RNF216: variants seen among roughly 807,000 people sequenced by gnomAD.
RNF216 encodes the protein ring finger protein 216.
RNF216 carries 72 observed loss-of-function variants against 110.8 expected under a neutral mutation model. That is an observed-to-expected ratio of 0.65 (90% CI 0.54 to 0.79). The LOEUF is 0.79. Among genes scored for constraint, RNF216 ranks in the 30% least tolerant of loss-of-function variants. The pLI is 0.00. For synonymous variants in RNF216, 495 were observed against 407.5 expected (o/e 1.21, Z -2.59); for missense variants, 1,342 against 1,141.2 (o/e 1.18, Z -2.54).
intron 13 of RNF216, among the ~76,000 whole-genome samples, chr7:5,710,869 T>C (rs1284778629): frequency 6.6e-6 from 1 of 152,210 alleles, no homozygotes. Flanking sequence ...TCTGCTTTCT[T>C]AAGAGCTGCA....
intron 13 of RNF216, among the ~76,000 whole-genome samples, chr7:5,662,847 A>G (rs1416994995): frequency 2.6e-5 from 4 of 152,118 alleles, no homozygotes; most frequent in African/African-American, 9.7e-5. Flanking sequence ...AGGCTTGTGT[A>G]GAGCTGGCAC....
intron 13 of RNF216, among the ~76,000 whole-genome samples, chr7:5,703,543 C>A (rs1165781318): frequency 3.3e-5 from 5 of 152,140 alleles, no homozygotes; most frequent in African/African-American, 1.2e-4. Flanking sequence ...TTGTACTTCA[C>A]GGCTGTAAAG....
In RNF216 at chr7:5,652,467, C is replaced by G; in HGVS notation, c.2105G>C (p.Gly702Ala). Residue 702 changes from glycine (G) to alanine (A), a missense_variant, in exon 14 of 17, where the codon GGC (glycine) becomes GCC (alanine). Transcript: ENST00000389902. The stretch of plus-strand genomic sequence containing the variant: ...TTCAGCCAGCTCTTCACAGGTGAGG[C>G]CATTATGTTCTTTCCAGAGTCCCTG... ...KCQGLWKEHN[G>A]LTCEELAEKD... 1 of 1,613,922 alleles carries G rather than the reference C, an allele frequency of 6.2e-7. No homozygotes were observed.
intron 15 of RNF216, among the ~76,000 whole-genome samples, chr7:5,640,200 C>T (rs1787652311): frequency 6.6e-6 from 1 of 152,084 alleles, no homozygotes; most frequent in Admixed American, 6.6e-5. Flanking sequence ...GCCTGACCCT[C>T]TCCCCCAGTT....
chr7:5,655,763 T>C (rs992243956), intron 13 of RNF216, among the ~76,000 whole-genome samples: 2 of 147,368 alleles, frequency 1.4e-5, no homozygotes, highest in Admixed American at 6.6e-5. Flanking sequence ...CTAAACAGTG[T>C]AAATTTTACT....
chr7:5,779,115 A>C (rs552059688), intron 1 of RNF216, among the ~76,000 whole-genome samples: 1 of 152,376 alleles, frequency 6.6e-6, no homozygotes, highest in Non-Finnish European at 1.5e-5. Flanking sequence ...ATGTCTCTAA[A>C]GAGCTAGAAT....
intron 1 of RNF216, 83 bp from the exon 2 acceptor site, chr7:5,761,221 G>C (rs1350325508): frequency 2.0e-6 from 1 of 502,486 alleles, no homozygotes; most frequent in African/African-American, 2.0e-5. Context: ...AACATCTGAA[G>C]CTTATGCTGA....
intron 13 of RNF216, among the ~76,000 whole-genome samples, chr7:5,655,715 C>T (rs1303283582): frequency 1.3e-5 from 2 of 148,936 alleles, no homozygotes; most frequent in Non-Finnish European, 2.9e-5. Flanking sequence ...ACATTTGGAG[C>T]TCTCTCTGTG....
intron 3 of RNF216, among the ~76,000 whole-genome samples, chr7:5,751,225 A>G (rs1001888002): frequency 2.6e-5 from 4 of 152,210 alleles, no homozygotes; most frequent in African/African-American, 9.6e-5. Context: ...GGACACCAGA[A>G]CCTATAAAGT....
intron 8 of RNF216, among the ~76,000 whole-genome samples, chr7:5,723,533 G>C (rs754176482): frequency 2.0e-5 from 3 of 152,090 alleles, no homozygotes; most frequent in Non-Finnish European, 4.4e-5. Context: ...TGTAGTCCCA[G>C]CTACTCGGGA....
chr7:5,667,480 A>C (rs895333096), intron 13 of RNF216, among the ~76,000 whole-genome samples: 2 of 152,218 alleles, frequency 1.3e-5, no homozygotes, highest in Admixed American at 1.3e-4. Flanking sequence ...GACTCTGCTG[A>C]TAAGGAACAA....
chr7:5,687,160 T>G lies in RNF216; in HGVS notation c.2061+24601A>C, dbSNP rs150139065. The stretch of plus-strand genomic sequence containing the variant: ...CCTGTAATCCCAGCACTCTGGGAGG[T>G]TGAGGTGGGCAGATCACCTGAGGTC... On this transcript the variant is annotated intron_variant, in intron 13 of 16. Coordinates refer to ENST00000389902, the MANE Select transcript of RNF216 (RefSeq NM_207111.4). Among the ~76,000 whole-genome samples the G allele has an allele frequency of 9.2e-3, 1,387 of 151,204 alleles. 18 individuals carry two copies. Among genetic ancestry groups the G allele is most frequent in the African/African-American group, 0.032 (1,322 of 41,240 alleles).
chr7:5,723,784 G>C (rs1385685563), intron 8 of RNF216, among the ~76,000 whole-genome samples: 1 of 152,210 alleles, frequency 6.6e-6, no homozygotes, highest in Admixed American at 6.5e-5. Flanking sequence ...AGCCCAAAGA[G>C]CAGTGTTTAG....
intron 12 of RNF216, 97 bp downstream of exon 12, chr7:5,712,618 G>A: frequency 8.2e-7 from 1 of 1,217,280 alleles, no homozygotes; most frequent in Non-Finnish European, 1.2e-6. Context: ...AAAAAACCTG[G>A]AAGATAAACA....
rs368434165 is a variant in RNF216, at chr7:5,741,256, C to T, written c.761G>A (p.Arg254Gln). 78 of 1,613,952 alleles carry T rather than the reference C, an allele frequency of 4.8e-5. No individual in the cohort carries two copies. The highest frequency in any genetic ancestry group is 6.4e-5 in the Non-Finnish European group (76 of 1,180,022). ...EITNQVVPQE[R>Q]QPEAELGRLL... ...GCGGCCCAGTTCTGCTTCAGGCTGC[C>T]GTTCCTGAGGAACGACCTGGTTTGT... is the stretch of plus-strand genomic sequence containing the variant. The change falls in exon 4 of 17, where the codon CGG (arginine) becomes CAG (glutamine). Residue 254 changes from arginine to glutamine, a missense_variant. Arg to Gln is a conservative substitution (Grantham distance 43). Transcript: ENST00000389902.
intron 13 of RNF216, 56 bp downstream of exon 13, chr7:5,711,705 G>A (rs1397482888): frequency 2.8e-6 from 4 of 1,425,842 alleles, no homozygotes; most frequent in East Asian, 2.3e-5. Context: ...GGGCCATGAG[G>A]GCAGCCCATA....
chr7:5,622,995 G>A lies in RNF216; in HGVS notation c.2637C>T (p.Asn879=), dbSNP rs781071313. 2 of 1,614,138 alleles carry A rather than the reference G, an allele frequency of 1.2e-6. No homozygotes were observed. Among genetic ancestry groups the A allele is most frequent in the Non-Finnish European group, 8.5e-7 (1 of 1,180,026 alleles). ...VRPVFNNFPL[N]MGPIPAPYVP... ...CGTACGGGGCTGGGATAGGCCCCAT[G>A]TTGAGTGGGAAGTTGTTGAACACAG... Residue 879 remains asparagine, a synonymous_variant, in exon 17 of 17, where the codon AAC becomes AAT. Coordinates refer to ENST00000389902, the MANE Select transcript of RNF216 (RefSeq NM_207111.4).
chr7:5,719,291 C>T (rs948949081), intron 9 of RNF216, among the ~76,000 whole-genome samples: 8 of 152,146 alleles, frequency 5.3e-5, no homozygotes, highest in African/African-American at 1.9e-4. Context: ...GGAAGGACTG[C>T]TTGAGCCCAG....
chr7:5,747,114 C>T (rs919184740), intron 3 of RNF216, among the ~76,000 whole-genome samples: 2 of 152,166 alleles, frequency 1.3e-5, no homozygotes, highest in Admixed American at 6.5e-5. Context: ...CTCTGAGTTG[C>T]CTTTCTTCTC....
Sources: gnomAD v4.1 joint callset for allele counts (sites outside exome capture counted in the v4.1 genomes callset) on GRCh38, gnomAD v4.1.1 for gene constraint, MANE v1.5 for transcripts, NCBI Gene and HGNC (gene_info 2026-07-23, HGNC 2026-07-21) for gene names.